Variants in MCU observed in about 807,000 individuals in gnomAD.
MCU encodes the protein calcium uniporter protein, mitochondrial.
A neutral mutation model predicts 45.2 loss-of-function variants in MCU; 12 were observed. That is an observed-to-expected ratio of 0.27 (90% CI 0.17 to 0.43). The LOEUF is 0.43. Ranked by LOEUF, MCU falls within the 20% of genes least tolerant of loss-of-function variation. The pLI, the probability that MCU is intolerant of heterozygous loss-of-function variation, is 1.00. For synonymous variants in MCU, 160 were observed against 165.1 expected (o/e 0.97, Z 0.24); for missense variants, 324 against 436.7 (o/e 0.74, Z 2.30).
At chr10:72,726,520 C>T (rs995372537) in intron 1 of MCU, among the ~76,000 whole-genome samples, 34 of 150,676 alleles carry the variant, frequency 2.3e-4, no homozygotes, top group Non-Finnish European at 4.4e-4. Flanking sequence ...TTTTTTTTGT[C>T]ACTGTGAACA....
intron 1 of MCU, among the ~76,000 whole-genome samples, chr10:72,790,077 A>G (rs368369447): frequency 2.6e-5 from 4 of 152,210 alleles, no homozygotes; most frequent in African/African-American, 7.2e-5. Context: ...AGCAGACTCT[A>G]TATGGAACTT....
chr10:72,725,027 A>G (rs1370096947), intron 1 of MCU, among the ~76,000 whole-genome samples: 1 of 152,160 alleles, frequency 6.6e-6, no homozygotes, highest in African/African-American at 2.4e-5. Context: ...TGGCACAAGC[A>G]TGGCTTACTC....
intron 2 of MCU, among the ~76,000 whole-genome samples, chr10:72,849,466 T>C (rs894414831): frequency 9.9e-5 from 15 of 152,096 alleles, no homozygotes; most frequent in Non-Finnish European, 4.4e-5. Flanking sequence ...TTTAGGACTT[T>C]TGAGTTTCAG....
chr10:72,735,908 T>C (rs892603105), intron 1 of MCU, among the ~76,000 whole-genome samples: 4 of 152,184 alleles, frequency 2.6e-5, no homozygotes, highest in Non-Finnish European at 2.9e-5. Flanking sequence ...ATAGTGGTTG[T>C]CTCTAGGGGA....
At chr10:72,696,023 A>G (rs996689555) in intron 1 of MCU, among the ~76,000 whole-genome samples, 2 of 151,030 alleles carry the variant, frequency 1.3e-5, no homozygotes, top group African/African-American at 4.9e-5. Context: ...TTAGCTGGGC[A>G]TGGTGGCAGG....
intron 1 of MCU, among the ~76,000 whole-genome samples, chr10:72,726,256 CGTGTGTGTGT>C (rs60826955): frequency 0.019 from 2,775 of 145,630 alleles, 97 homozygotes; most frequent in African/African-American, 0.066. Context: ...CACACACACA[CGTGTGTGTGT>C]GTGTGTGTGT....
At chr10:72,764,338 G>A (rs1843696990) in intron 1 of MCU, among the ~76,000 whole-genome samples, 1 of 152,264 alleles carries the variant, frequency 6.6e-6, no homozygotes, top group East Asian at 1.9e-4. Flanking sequence ...GAAGATATCA[G>A]AAACATTCCA....
intron 1 of MCU, among the ~76,000 whole-genome samples, chr10:72,824,806 T>A (rs545284450): frequency 2.6e-5 from 4 of 152,292 alleles, no homozygotes; most frequent in African/African-American, 9.6e-5. Flanking sequence ...TTATTTATAT[T>A]TGTGAGTGGT....
chr10:72,838,726 T>C (rs1194310340), intron 2 of MCU, among the ~76,000 whole-genome samples: 1 of 152,182 alleles, frequency 6.6e-6, no homozygotes, highest in Non-Finnish European at 1.5e-5. Flanking sequence ...CCTACAAAAA[T>C]TGTTTGCGGG....
intron 1 of MCU, among the ~76,000 whole-genome samples, chr10:72,695,197 T>C (rs772774576): frequency 3.9e-5 from 6 of 152,258 alleles, no homozygotes; most frequent in Non-Finnish European, 8.8e-5. Context: ...TGTTGGCATT[T>C]TCTAGCAGTT....
chr10:72,731,973 G>T (rs1316977845), intron 1 of MCU, among the ~76,000 whole-genome samples: 1 of 152,168 alleles, frequency 6.6e-6, no homozygotes, highest in Non-Finnish European at 1.5e-5. Flanking sequence ...GAGTAGAATT[G>T]CTGAGACATA....
chr10:72,819,752 T>C (rs1844682295), intron 1 of MCU, among the ~76,000 whole-genome samples: 1 of 124,690 alleles, frequency 8.0e-6, no homozygotes, highest in Non-Finnish European at 1.7e-5. Context: ...TTTTTTGCAC[T>C]GAGCCATTTG....
intron 2 of MCU, among the ~76,000 whole-genome samples, chr10:72,837,238 A>G (rs1844968287): frequency 6.6e-6 from 1 of 151,948 alleles, no homozygotes; most frequent in Non-Finnish European, 1.5e-5. Context: ...GAATCTATTG[A>G]AAGTTCTAGA....
In MCU at chr10:72,856,167, G is replaced by A. The variant is rs181701568; in HGVS notation, c.221-3010G>A. ...AGCCAGATATAAAAGGGTCCATAGC[G>A]TGATTTTATTTATATAAAAATCTAT... On this transcript the variant is annotated intron_variant, in intron 2 of 7. Coordinates refer to ENST00000373053, the MANE Select transcript of MCU (RefSeq NM_138357.3). Among the ~76,000 whole-genome samples the A allele has an allele frequency of 2.5e-3, 379 of 152,254 alleles. 1 individual carries two copies. The highest frequency in any genetic ancestry group is 8.6e-3 in the African/African-American group (358 of 41,550).
chr10:72,860,098 C>T (rs745937803), intron 3 of MCU: 19 of 204,378 alleles, frequency 9.3e-5, no homozygotes, highest in Admixed American at 1.6e-4. Flanking sequence ...TTTGACTCAA[C>T]CAGCTTCCAT....
At chr10:72,696,046 C>T (rs1842682294) in intron 1 of MCU, among the ~76,000 whole-genome samples, 2 of 150,206 alleles carry the variant, frequency 1.3e-5, no homozygotes. Flanking sequence ...CCTGTAGTCC[C>T]AGCTACTCGG....
At position 72,799,389 on chromosome 10, in the gene MCU, G is replaced by A. The variant is rs549834622; in HGVS notation, c.151-34970G>A. 5.3e-5 allele frequency among the ~76,000 whole-genome samples: 8 copies of A among 152,270 alleles called. No homozygotes were observed. The East Asian group carries it at 1.5e-3, about 29-fold the overall frequency. ...TGTGCCAAGCACTATTTTTGGTGTT[G>A]AAAACTGTGGTAAACAAATGTTAAG... is the stretch of plus-strand genomic sequence containing the variant. On this transcript the variant is annotated intron_variant, in intron 1 of 7. Transcript: ENST00000373053.
At chr10:72,805,089 CTT>C (rs1464944269) in intron 1 of MCU, among the ~76,000 whole-genome samples, 4 of 140,292 alleles carry the variant, frequency 2.9e-5, no homozygotes, top group African/African-American at 5.7e-5. Context: ...TTCTTTCTTT[CTT>C]TCTTTCTTTC....
At chr10:72,694,833 C>A (rs1166206897) in intron 1 of MCU, among the ~76,000 whole-genome samples, 1 of 152,134 alleles carries the variant, frequency 6.6e-6, no homozygotes, top group African/African-American at 2.4e-5. Context: ...GAGAATGAGT[C>A]CAAAGCAATA....
Sources: allele counts gnomAD v4.1 joint callset (sites outside exome capture counted in the v4.1 genomes callset), GRCh38; gene constraint gnomAD v4.1.1; transcripts MANE v1.5; gene names NCBI Gene and HGNC (gene_info 2026-07-23, HGNC 2026-07-21).